Variants in PRKRIP1 observed in about 807,000 individuals in gnomAD.
The protein encoded by PRKRIP1 is PRKR-interacting protein 1.
In PRKRIP1, 29 loss-of-function variants were observed where a neutral mutation model predicts 29.3. The ratio of observed to expected loss-of-function variants is 0.99; its 90% CI spans 0.74 to 1.35. PRKRIP1 has a LOEUF of 1.35. PRKRIP1 is among the 40% of genes most tolerant of loss of function. The pLI, the probability that PRKRIP1 is intolerant of heterozygous loss-of-function variation, is 0.00. For synonymous variants in PRKRIP1, 90 were observed against 85.1 expected, an observed-to-expected ratio of 1.06 and a Z score of -0.32; for missense variants, 247 against 236.8, an observed-to-expected ratio of 1.04 and a Z score of -0.28.
chr7:102,422,442 C>T (rs1796719448), intron 5 of PRKRIP1, among the ~76,000 whole-genome samples: 1 of 151,900 alleles, frequency 6.6e-6, no homozygotes, highest in African/African-American at 2.4e-5. Context: ...ACCCCCGGTT[C>T]AAGCAATTCT....
intron 5 of PRKRIP1, among the ~76,000 whole-genome samples, chr7:102,411,933 GTTGTT>G (rs1311546421): frequency 1.4e-5 from 1 of 72,728 alleles, no homozygotes; most frequent in Non-Finnish European, 3.2e-5. Context: ...TGTTGTTGTT[GTTGTT>G]TTGTTTGTTT....
Position 102,407,506 on chromosome 7 carries a change from G to A in PRKRIP1, c.457+8G>A, listed in dbSNP as rs782735024. On this transcript the variant is annotated splice_region_variant and intron_variant, in intron 5 of 5. Coordinates refer to ENST00000397912, the MANE Select transcript of PRKRIP1 (RefSeq NM_024653.4). ...AACAGAAGAAACAAGAAGGTGAGTG[G>A]TGCCCACTTTTCTTGGCTGTAGCTT... 3.9e-5 allele frequency: 63 copies of A among 1,606,462 alleles called. No individual in the cohort carries two copies. The highest frequency in any genetic ancestry group is 1.0e-4 in the Admixed American group (6 of 59,780).
chr7:102,397,147 G>A (rs1795928378), intron 1 of PRKRIP1, among the ~76,000 whole-genome samples: 2 of 152,074 alleles, frequency 1.3e-5, no homozygotes, highest in Non-Finnish European at 2.9e-5. Flanking sequence ...GAGTACATAG[G>A]ATGAAAAAAG....
intron 5 of PRKRIP1, among the ~76,000 whole-genome samples, chr7:102,410,859 C>A (rs1374966641): frequency 6.6e-6 from 1 of 152,066 alleles, no homozygotes; most frequent in African/African-American, 2.4e-5. Context: ...TTTTTTAATT[C>A]ATTCTGACAG....
intron 5 of PRKRIP1, among the ~76,000 whole-genome samples, chr7:102,412,380 C>A (rs1563619161): frequency 6.6e-6 from 1 of 151,992 alleles, no homozygotes; most frequent in Non-Finnish European, 1.5e-5. Flanking sequence ...CAAAATGAGA[C>A]CCCATCCCTA....
chr7:102,419,848 TGTGTGTGTGTGTG>T, intron 5 of PRKRIP1, among the ~76,000 whole-genome samples: 1 of 4,170 alleles, frequency 2.4e-4, no homozygotes, highest in Non-Finnish European at 2.3e-3. Context: ...TGTGTTTTTG[TGTGTGTGTGTGTG>T]TGTGTGTGTG....
chr7:102,425,335 GC>G lies in PRKRIP1; in HGVS notation c.*225del. On this transcript the variant is annotated 3_prime_UTR_variant, in exon 6 of 6. Coordinates refer to ENST00000397912, the MANE Select transcript of PRKRIP1 (RefSeq NM_024653.4). Reference sequence around the variant, plus strand: ...GCACTGCCTTGCAGACACCATCCGTGCTCCTGGTAAAGGGGGACAGAGAGCC... The same window carrying G: ...GCACTGCCTTGCAGACACCATCCGTGTCCTGGTAAAGGGGGACAGAGAGCC... 1.2e-6 allele frequency: 1 copy of G among 815,202 alleles called. No individual in the cohort carries two copies. Among genetic ancestry groups the G allele is most frequent in the Non-Finnish European group, 1.9e-6 (1 of 531,744 alleles). The allele number at this position is 815,202 out of a possible 1,614,324, so 50.5% of individuals were successfully genotyped here.
intron 5 of PRKRIP1, among the ~76,000 whole-genome samples, chr7:102,419,975 G>T (rs1326363808): frequency 2.0e-5 from 3 of 151,722 alleles, no homozygotes; most frequent in Non-Finnish European, 4.4e-5. Context: ...CCGCCCCCTG[G>T]GTTCACAGGT....
chr7:102,423,513 A>T, intron 5 of PRKRIP1: 1 of 220,580 alleles, frequency 4.5e-6, no homozygotes, highest in Admixed American at 5.3e-5. Flanking sequence ...GATCTCGAGC[A>T]GCAAGTTCCT....
intron 4 of PRKRIP1, among the ~76,000 whole-genome samples, chr7:102,406,629 A>G (rs777080772): frequency 2.6e-5 from 4 of 152,170 alleles, no homozygotes; most frequent in Non-Finnish European, 5.9e-5. Context: ...TCATTGTCCA[A>G]TGACTGATGG....
In PRKRIP1 at chr7:102,425,420, G is replaced by A. The variant is rs1200596391; in HGVS notation, c.*309G>A. 8 of 405,606 alleles carry A rather than the reference G, an allele frequency of 2.0e-5. No individual in the cohort carries two copies. The highest frequency in any genetic ancestry group is 1.0e-4 in the African/African-American group (5 of 47,648). 25.1% of individuals were successfully genotyped at this position (405,606 alleles called of 1,614,324 possible). On this transcript the variant is annotated 3_prime_UTR_variant, in exon 6 of 6. Coordinates refer to ENST00000397912, the MANE Select transcript of PRKRIP1 (RefSeq NM_024653.4). ...TGGGGCTGGTTTCTGGGAAGGGAACGTTTATTTAGTAAAGAGCAGAACACC... is the reference window on the plus strand; with the variant it reads ...TGGGGCTGGTTTCTGGGAAGGGAACATTTATTTAGTAAAGAGCAGAACACC...
chr7:102,418,002 CAAG>C (rs1170452780), intron 5 of PRKRIP1, among the ~76,000 whole-genome samples: 4 of 150,026 alleles, frequency 2.7e-5, no homozygotes, highest in Non-Finnish European at 5.9e-5. Flanking sequence ...GCCATTTGTC[CAAG>C]AAGTCCTGGC....
At chr7:102,405,578 A>G (rs781994475) in intron 4 of PRKRIP1, among the ~76,000 whole-genome samples, 33 of 152,126 alleles carry the variant, frequency 2.2e-4, no homozygotes, top group Non-Finnish European at 3.7e-4. Context: ...CTGGGTGACA[A>G]AGTGCAACCC....
At position 102,425,054 on chromosome 7, in the gene PRKRIP1, G is replaced by C. The variant is rs541034610; in HGVS notation, c.498G>C (p.Ala166=). 1.2e-6 allele frequency: 2 copies of C among 1,613,818 alleles called. No individual in the cohort carries two copies. The highest frequency in any genetic ancestry group is 1.7e-6 in the Non-Finnish European group (2 of 1,179,982). Residue 166 remains alanine, a synonymous_variant, in exon 6 of 6, where the codon GCG becomes GCC. Transcript: ENST00000397912. The part of the protein sequence containing the change: ...QPKEQGSSSS[A]EASGTEEEEE... ...AGGAGCAGGGGTCCAGCAGCTCTGC[G>C]GAGGCATCTGGAACAGAGGAGGAGG...
At position 102,400,439 on chromosome 7, in the gene PRKRIP1, G is replaced by A. The variant is rs146800834; in HGVS notation, c.306+791G>A. Among the ~76,000 whole-genome samples, 576 of 152,222 alleles carry A rather than the reference G, an allele frequency of 3.8e-3. 6 individuals are homozygous for A. Among genetic ancestry groups the A allele is most frequent in the African/African-American group, 0.013 (559 of 41,540 alleles). On this transcript the variant is annotated intron_variant, in intron 3 of 5. Transcript: ENST00000397912. Reference sequence around the variant, plus strand: ...TCTTTAAACATGGTGAGTAAAAGAAGCCTTGCACGAAAGAGACCATATTGT... The same window carrying A: ...TCTTTAAACATGGTGAGTAAAAGAAACCTTGCACGAAAGAGACCATATTGT...
At chr7:102,419,848 TGTGTGTG>T (rs1796646635) in intron 5 of PRKRIP1, among the ~76,000 whole-genome samples, 4 of 4,160 alleles carry the variant, frequency 9.6e-4, no homozygotes, top group South Asian at 0.14. Flanking sequence ...TGTGTTTTTG[TGTGTGTG>T]TGTGTGTGTG....
intron 2 of PRKRIP1, among the ~76,000 whole-genome samples, chr7:102,398,456 T>A (rs113646654): frequency 0.074 from 11,218 of 151,920 alleles, 448 homozygotes; most frequent in African/African-American, 0.095. Flanking sequence ...GGCTGATTGT[T>A]TTATTTTTAG....
intron 1 of PRKRIP1, 65 bp downstream of exon 1, chr7:102,396,602 G>A (rs1433568433): frequency 6.6e-7 from 1 of 1,525,282 alleles, no homozygotes; most frequent in South Asian, 1.2e-5. Context: ...AGCGCTTCAG[G>A]GTTCCCGCAG....
chr7:102,399,691 G>T (rs1554570961), intron 3 of PRKRIP1, 43 bp downstream of exon 3: 2 of 1,457,828 alleles, frequency 1.4e-6, no homozygotes, highest in East Asian at 2.3e-5. Context: ...TGTTTGGGCA[G>T]TGTGCGTGTA....
Sources: allele counts gnomAD v4.1 joint callset (sites outside exome capture counted in the v4.1 genomes callset), GRCh38; gene constraint gnomAD v4.1.1; transcripts MANE v1.5; gene names NCBI Gene and HGNC (gene_info 2026-07-23, HGNC 2026-07-21).